Variants in CA11 observed in about 807,000 individuals in gnomAD.
The protein encoded by CA11 is carbonic anhydrase-related protein 11.
A neutral mutation model predicts 39.3 loss-of-function variants in CA11; 20 were observed. The observed-to-expected ratio is 0.51, with a 90% CI of 0.36 to 0.74. The LOEUF (loss-of-function observed/expected upper bound fraction) is 0.74, where lower values mean the gene tolerates loss of function less well. Ranked by LOEUF, CA11 falls within the 30% of genes least tolerant of loss-of-function variation. The probability of loss-of-function intolerance (pLI) is 0.00; values close to 1 mark genes in which losing one functional copy is unlikely to be tolerated. For synonymous variants in CA11, 166 were observed against 172.5 expected (o/e 0.96, Z 0.29); for missense variants, 336 against 424.6 (o/e 0.79, Z 1.83).
Position 48,643,550 on chromosome 19 carries a change from G to C in CA11, c.285+877C>G, listed in dbSNP as rs1195519553. Among the ~76,000 whole-genome samples, 1 of 151,832 alleles carries C rather than the reference G, an allele frequency of 6.6e-6. No individual in the cohort carries two copies. Among genetic ancestry groups the C allele is most frequent in the Non-Finnish European group, 1.5e-5 (1 of 67,974 alleles). Reference sequence around the variant, plus strand: ...GAGGCTGAGGTAGGAAGATCACTTGGGCCCAGGAATTTGAGGTTACAGTGA... The same window carrying C: ...GAGGCTGAGGTAGGAAGATCACTTGCGCCCAGGAATTTGAGGTTACAGTGA... On this transcript the variant is annotated intron_variant, in intron 3 of 8. Transcript: ENST00000084798. This position sits in a 1 kb window ranked among gnomAD's most constrained non-coding sequence, Gnocchi z 4.3.
At chr19:48,645,507 C>A in intron 1 of CA11, 30 bp from the exon 2 acceptor site, 1 of 1,600,432 alleles carries the variant, frequency 6.2e-7, no homozygotes, top group Non-Finnish European at 8.5e-7. Context: ...AATCCCTCTC[C>A]TTGGCATCCC....
chr19:48,645,006 A>G (rs2147723496), intron 2 of CA11, among the ~76,000 whole-genome samples: 1 of 152,104 alleles, frequency 6.6e-6, no homozygotes, highest in East Asian at 1.9e-4. Flanking sequence ...TGGGAGTTGT[A>G]GTTCTTTTTT....
chr19:48,641,803 C>T (rs1015676429), intron 3 of CA11, among the ~76,000 whole-genome samples: 2 of 151,446 alleles, frequency 1.3e-5, no homozygotes, highest in Non-Finnish European at 2.9e-5. Context: ...TACCACCATG[C>T]CCAACTAATT....
At position 48,638,995 on chromosome 19, in the gene CA11, C is replaced by A. The variant is rs748836441; in HGVS notation, c.854G>T (p.Ser285Ile). Reference protein sequence around the residue: ...NPPSQIFQSLSGNSRPLQPLA... With the variant: ...NPPSQIFQSLIGNSRPLQPLA... ...GGGCTGCAGGGGCCGGCTGTTACCG[C>A]TGAGGCTCTGGAAGATCTGAGATGG... is the stretch of plus-strand genomic sequence containing the variant. The change falls in exon 8 of 9, where the codon AGC becomes ATC. Residue 285 changes from serine (S) to isoleucine (I), a missense_variant. By Grantham distance (142) the Ser-to-Ile change is moderately radical. Coordinates refer to ENST00000084798, the MANE Select transcript of CA11 (RefSeq NM_001217.5). The A allele has an allele frequency of 1.2e-6, 2 of 1,613,958 alleles. No individual in the cohort carries two copies. The highest frequency in any genetic ancestry group is 1.7e-6 in the Non-Finnish European group (2 of 1,179,962).
rs750034530 is a variant in CA11 at position 48,638,090 on chromosome 19, C to T, written c.*29G>A. 5.0e-6 allele frequency: 7 copies of T among 1,412,928 alleles called. No individual in the cohort carries two copies. Among genetic ancestry groups the T allele is most frequent in the East Asian group, 3.1e-5 (1 of 32,382 alleles). 87.5% of individuals were successfully genotyped at this position (1,412,928 alleles called of 1,614,324 possible). A position where few individuals can be genotyped will look rare whatever the true frequency, so the allele number is the denominator to read the frequency against. On this transcript the variant is annotated 3_prime_UTR_variant, in exon 9 of 9. Coordinates refer to ENST00000084798, the MANE Select transcript of CA11 (RefSeq NM_001217.5). ...CCTCGCCTTGTGGGGAGGCTTAGGA[C>T]GGGCGGGTGCAATCCTCGAAGGGGA...
chr19:48,642,536 T>C (rs1398778232), intron 3 of CA11, among the ~76,000 whole-genome samples: 3 of 152,134 alleles, frequency 2.0e-5, no homozygotes, highest in Admixed American at 6.6e-5. Context: ...AAACTGCATA[T>C]ATATAACACA....
At position 48,645,450 on chromosome 19, in the gene CA11, TC is replaced by T; in HGVS notation, c.94del (p.Glu32ArgfsTer24). ...ATTATCCTTGTAGCTCCACCAGTCC[TC>T]GGGGTCAGGTGCTGGTCCGATGTGA... ...AAHIGPAPDP[E>X]DWWSYKDNLQ... On this transcript the variant is annotated frameshift_variant, in exon 2 of 9. Coordinates refer to ENST00000084798, the MANE Select transcript of CA11 (RefSeq NM_001217.5). LOFTEE classifies it high-confidence loss of function. 6.2e-7 allele frequency: 1 copy of T among 1,602,676 alleles called. No homozygotes were observed. Among genetic ancestry groups the T allele is most frequent in the Non-Finnish European group, 8.5e-7 (1 of 1,174,202 alleles).
chr19:48,638,075 T>TG lies in CA11; in HGVS notation c.*43dup. The TG allele has an allele frequency of 7.1e-7, 1 of 1,408,700 alleles. No individual in the cohort carries two copies. The allele number at this position is 1,408,700 out of a possible 1,614,324, so 87.3% of individuals were successfully genotyped here. On this transcript the variant is annotated 3_prime_UTR_variant, in exon 9 of 9. Coordinates refer to ENST00000084798, the MANE Select transcript of CA11 (RefSeq NM_001217.5). ...TTTAGGGGTAACTCCCCTCGCCTTG[T>TG]GGGGAGGCTTAGGACGGGCGGGTGC... is the stretch of plus-strand genomic sequence containing the variant.
chr19:48,644,407 C>T lies in CA11; in HGVS notation c.285+20G>A, dbSNP rs1355918019. 3.9e-6 allele frequency: 6 copies of T among 1,553,426 alleles called. No homozygotes were observed. The East Asian group carries it at 1.1e-4, about 29-fold the overall frequency. ...CCCATCCCCAGTGGGTTCAATAGCT[C>T]CTCCCTCCAAGCCCCTTACCTTCTC... On this transcript the variant is annotated intron_variant, in intron 3 of 8. Transcript: ENST00000084798.
chr19:48,640,972 C>CTTTTTG (rs1555745655), intron 3 of CA11, among the ~76,000 whole-genome samples: 32 of 109,688 alleles, frequency 2.9e-4, no homozygotes, highest in Admixed American at 2.7e-3. Context: ...CCGCGCCCGG[C>CTTTTTG]TTTTTGTTTT....
chr19:48,640,985 T>TG (rs1214976141), intron 3 of CA11, among the ~76,000 whole-genome samples: 11 of 90,070 alleles, frequency 1.2e-4, no homozygotes, highest in African/African-American at 3.2e-4. Context: ...TTTGTTTTTG[T>TG]TTTTTTTTTT....
At chr19:48,640,562 CAG>C (rs1181857347) in intron 3 of CA11, among the ~76,000 whole-genome samples, 1 of 150,802 alleles carries the variant, frequency 6.6e-6, no homozygotes, top group Admixed American at 6.6e-5. Flanking sequence ...TTAGTAGAGA[CAG>C]GGTTTCTCCA....
At position 48,644,636 on chromosome 19, in the gene CA11, CT is replaced by C. The variant is rs1241724596; in HGVS notation, c.143-68del. ...AGAGACTGGATCCCAGGGCTGGTATCTGCTGAGTGGGCTGTGGTCTGGACTC... is the reference window on the plus strand; with the variant it reads ...AGAGACTGGATCCCAGGGCTGGTATCGCTGAGTGGGCTGTGGTCTGGACTC... On this transcript the variant is annotated intron_variant, in intron 2 of 8. Coordinates refer to ENST00000084798, the MANE Select transcript of CA11 (RefSeq NM_001217.5). 4 of 1,359,566 alleles carry C rather than the reference CT, an allele frequency of 2.9e-6. No individual in the cohort carries two copies. In the African/African-American group the frequency reaches 4.4e-5, roughly 15 times the overall value. 84.2% of individuals were successfully genotyped at this position (1,359,566 alleles called of 1,614,324 possible).
intron 8 of CA11, 66 bp from the exon 9 acceptor site, chr19:48,638,210 G>C: frequency 8.4e-7 from 1 of 1,195,544 alleles, no homozygotes; most frequent in Non-Finnish European, 1.1e-6. Context: ...GGTGTGCAGG[G>C]GGCGTGGGCT....
chr19:48,639,062 G>T lies in CA11; in HGVS notation c.796-9C>A, dbSNP rs186616491. 2 of 1,613,850 alleles carry T rather than the reference G, an allele frequency of 1.2e-6. No homozygotes were observed. Among genetic ancestry groups the T allele is most frequent in the Admixed American group, 1.7e-5 (1 of 59,964 alleles). Reference sequence around the variant, plus strand: ...AGTCTCAGGGAGTGCATCTGCAGTGGAAGGAGGGTGGGAAACTGGGAGTGA... The same window carrying T: ...AGTCTCAGGGAGTGCATCTGCAGTGTAAGGAGGGTGGGAAACTGGGAGTGA... On this transcript the variant is annotated splice_polypyrimidine_tract_variant and intron_variant, in intron 7 of 8. Coordinates refer to ENST00000084798, the MANE Select transcript of CA11 (RefSeq NM_001217.5).
At chr19:48,639,247 C>A in intron 7 of CA11, 58 bp downstream of exon 7, 1 of 1,596,086 alleles carries the variant, frequency 6.3e-7, no homozygotes, top group Non-Finnish European at 8.6e-7. Flanking sequence ...CAAGGGGATG[C>A]CCAGGCCAGT....
In CA11 at chr19:48,645,677, C is replaced by G; in HGVS notation, c.-45G>C. The G allele has an allele frequency of 4.9e-6, 7 of 1,421,256 alleles. No individual in the cohort carries two copies. Among genetic ancestry groups the G allele is most frequent in the Non-Finnish European group, 6.6e-6 (7 of 1,066,086 alleles). The allele number at this position is 1,421,256 out of a possible 1,614,324, so 88.0% of individuals were successfully genotyped here. ...GACCCCTGCCCAACGCCCTGCCCCC[C>G]TCTCTCAGCTCCTCTGTCCCCTCCT... On this transcript the variant is annotated 5_prime_UTR_variant, in exon 1 of 9. Coordinates refer to ENST00000084798, the MANE Select transcript of CA11 (RefSeq NM_001217.5).
At chr19:48,640,431 G>A (rs1327865118) in intron 3 of CA11, 151 bp from the exon 4 acceptor site, 2 of 632,678 alleles carry the variant, frequency 3.2e-6, no homozygotes, top group Admixed American at 6.9e-5. Flanking sequence ...CTGGAGTGCA[G>A]TGGCGTGATC....
intron 3 of CA11, among the ~76,000 whole-genome samples, chr19:48,641,830 T>TC (rs2031096689): frequency 1.4e-5 from 2 of 147,376 alleles, no homozygotes; most frequent in Admixed American, 6.7e-5. Context: ...TTTCTTTTTT[T>TC]TTTTTTTTTT....
Sources: gnomAD v4.1 joint callset for allele counts (sites outside exome capture counted in the v4.1 genomes callset) on GRCh38, gnomAD v4.1.1 for gene constraint, Gnocchi (gnomAD v3.1) non-coding constraint, MANE v1.5 for transcripts, NCBI Gene and HGNC (gene_info 2026-07-23, HGNC 2026-07-21) for gene names.